Variants in COG6 observed in about 807,000 individuals in gnomAD.
COG6 encodes the protein conserved oligomeric Golgi complex subunit 6.
A neutral mutation model predicts 88.8 loss-of-function variants in COG6; 74 were observed. The ratio of observed to expected loss-of-function variants is 0.83; its 90% confidence interval spans 0.69 to 1.01. The LOEUF (loss-of-function observed/expected upper bound fraction) is 1.01, where lower values mean the gene tolerates loss of function less well. Among genes scored for constraint, COG6 ranks in the 50% least tolerant of loss-of-function variants. The pLI, the probability that COG6 is intolerant of heterozygous loss-of-function variation, is 0.00. For missense variants in COG6, 800 were observed against 797.9 expected (o/e 1.00, Z -0.03); for synonymous variants, 286 against 278.7 (o/e 1.03, Z -0.26).
intron 4 of COG6, among the ~76,000 whole-genome samples, chr13:39,672,987 A>ATGT (rs1875741123): frequency 6.6e-6 from 1 of 152,072 alleles, no homozygotes; most frequent in Non-Finnish European, 1.5e-5. Context: ...ATGACTAATG[A>ATGT]TGTCAAGCAT....
intron 5 of COG6, among the ~76,000 whole-genome samples, chr13:39,678,596 A>G (rs9532416): frequency 0.72 from 109,837 of 151,930 alleles, 39,992 homozygotes; most frequent in Admixed American, 0.81. Context: ...AAGACATTCA[A>G]TTTTTCCAGA....
At chr13:39,724,242 C>T (rs975664836) in intron 16 of COG6, among the ~76,000 whole-genome samples, 3 of 151,918 alleles carry the variant, frequency 2.0e-5, no homozygotes, top group Non-Finnish European at 4.4e-5. Context: ...TGCTTCATTG[C>T]CTTCATTTTC....
chr13:39,736,183 A>AT lies in COG6; in HGVS notation c.1826+8646dup, dbSNP rs904389800. 2.2e-3 allele frequency among the ~76,000 whole-genome samples: 318 copies of AT among 143,896 alleles called. 2 individuals carry two copies. Among genetic ancestry groups the AT allele is most frequent in the African/African-American group, 3.6e-3 (141 of 39,396 alleles). The allele number at this position is 143,896 out of a possible 152,430, so 94.4% of individuals were successfully genotyped here. A position where few individuals can be genotyped will look rare whatever the true frequency, so the allele number is the denominator to read the frequency against. On this transcript the variant is annotated intron_variant, in intron 18 of 18. Transcript: ENST00000455146. ...TTTCTAGATCTTGTATGTGTGCTTCATTTTTTTTTTTATTCCTTTTTCTTT... is the reference window on the plus strand; with the variant it reads ...TTTCTAGATCTTGTATGTGTGCTTCATTTTTTTTTTTTATTCCTTTTTCTTT...
chr13:39,726,896 G>A (rs1416900349), intron 17 of COG6, among the ~76,000 whole-genome samples: 1 of 151,846 alleles, frequency 6.6e-6, no homozygotes, highest in Admixed American at 6.6e-5. Flanking sequence ...CTAGGTCCTT[G>A]ATTTATGCTT....
intron 18 of COG6, among the ~76,000 whole-genome samples, chr13:39,746,318 T>C (rs1451753475): frequency 6.6e-6 from 1 of 151,762 alleles, no homozygotes; most frequent in Non-Finnish European, 1.5e-5. Flanking sequence ...ACAGAAACAG[T>C]CCTGAAAGTA....
At chr13:39,694,538 A>G (rs1334648107) in intron 11 of COG6, 96 bp from the exon 12 acceptor site, 1 of 748,824 alleles carries the variant, frequency 1.3e-6, no homozygotes, top group Admixed American at 2.2e-5. Flanking sequence ...CAGTAATAAA[A>G]TTTTATCTTT....
At chr13:39,769,616 A>G (rs1477381135) in intron 18 of COG6, among the ~76,000 whole-genome samples, 1 of 152,236 alleles carries the variant, frequency 6.6e-6, no homozygotes, top group Non-Finnish European at 1.5e-5. Flanking sequence ...TTTTATGTTA[A>G]AACTGAAGAG....
At chr13:39,778,014 T>C (rs762288838) in intron 18 of COG6, among the ~76,000 whole-genome samples, 1 of 152,080 alleles carries the variant, frequency 6.6e-6, no homozygotes, top group African/African-American at 2.4e-5. Context: ...CAGCAAAGAG[T>C]CAATCTTCTG....
In COG6 at chr13:39,655,703, GCA is replaced by G. The variant is rs1491187590; in HGVS notation, c.-23_-22del. On this transcript the variant is annotated 5_prime_UTR_variant, in exon 1 of 19. Transcript: ENST00000455146. ...TGGTCCCTGCCTGGCTGAGGTGGCA[GCA>G]GGGGGCGGGACGCGCAGCGCTATGG... The G allele has an allele frequency of 3.2e-6, 5 of 1,548,542 alleles. No individual in the cohort carries two copies. The Admixed American group carries it at 9.8e-5, about 30-fold the overall frequency.
At chr13:39,724,420 C>A in intron 16 of COG6, 88 bp from the exon 17 acceptor site, 1 of 1,035,096 alleles carries the variant, frequency 9.7e-7, no homozygotes, top group Non-Finnish European at 1.5e-6. Context: ...GGGCAGTGCA[C>A]TAATGAACTA....
At chr13:39,688,482 A>C (rs1338886153) in intron 10 of COG6, among the ~76,000 whole-genome samples, 1 of 152,106 alleles carries the variant, frequency 6.6e-6, no homozygotes, top group African/African-American at 2.4e-5. Flanking sequence ...TGATTGAGGG[A>C]GCAAGACAGA....
rs761124773 is a variant in COG6 at position 39,687,481 on chromosome 13, TTA to T, written c.789-17_789-16del. On this transcript the variant is annotated intron_variant, in intron 8 of 18. Coordinates refer to ENST00000455146, the MANE Select transcript of COG6 (RefSeq NM_020751.3). The stretch of plus-strand genomic sequence containing the variant: ...CACTAGAAACAACCCCAACCATTTT[TTA>T]TATAACTTGTTTCTTCTAGATATAC... 3 of 1,608,984 alleles carry T rather than the reference TTA, an allele frequency of 1.9e-6. No individual in the cohort carries two copies. In the African/African-American group the frequency reaches 4.0e-5, roughly 22 times the overall value.
In COG6 at chr13:39,742,542, A is replaced by C. The variant is rs575645493; in HGVS notation, c.1827-8404A>C. 4.9e-4 allele frequency among the ~76,000 whole-genome samples: 75 copies of C among 152,086 alleles called. 1 individual carries two copies. Among genetic ancestry groups the C allele is most frequent in the Non-Finnish European group, 5.9e-5 (4 of 68,008 alleles). On this transcript the variant is annotated intron_variant, in intron 18 of 18. Coordinates refer to ENST00000455146, the MANE Select transcript of COG6 (RefSeq NM_020751.3). ...ATAATGGTAAAGGGATCAATTCAAC[A>C]AGAAGAGCTAACTATCCTAAATATA... is the stretch of plus-strand genomic sequence containing the variant.
intron 15 of COG6, among the ~76,000 whole-genome samples, chr13:39,722,649 C>T (rs1477659207): frequency 8.0e-5 from 12 of 149,904 alleles, no homozygotes; most frequent in Admixed American, 6.6e-4. Flanking sequence ...AAGATTTTTT[C>T]TCACCAGGGA....
rs536687901 is a variant in COG6 at position 39,701,340 on chromosome 13, T to G, written c.1284+1722T>G. The stretch of plus-strand genomic sequence containing the variant: ...GTTTGAGGTGCCTATGAGAGATCCC[T>G]CTGGAATTGGTCTAATCTAAAAGGG... On this transcript the variant is annotated intron_variant, in intron 13 of 18. Transcript: ENST00000455146. 2.0e-5 allele frequency among the ~76,000 whole-genome samples: 3 copies of G among 151,956 alleles called. No homozygotes were observed. The South Asian group carries it at 6.2e-4, about 32-fold the overall frequency.
At chr13:39,701,185 A>G (rs1877559309) in intron 13 of COG6, among the ~76,000 whole-genome samples, 1 of 151,800 alleles carries the variant, frequency 6.6e-6, no homozygotes, top group Non-Finnish European at 1.5e-5. Context: ...TCAAAACTTG[A>G]TGACTGAATG....
chr13:39,721,472 C>A (rs941130620), intron 15 of COG6, among the ~76,000 whole-genome samples: 2 of 152,070 alleles, frequency 1.3e-5, no homozygotes, highest in African/African-American at 4.8e-5. Flanking sequence ...ACTCCAGTAG[C>A]AATTTTCCCA....
At chr13:39,680,089 A>G (rs755431729) in intron 7 of COG6, 44 bp downstream of exon 7, 1 of 1,174,398 alleles carries the variant, frequency 8.5e-7, no homozygotes, top group Non-Finnish European at 1.3e-6. Flanking sequence ...GAACATTTGT[A>G]GTTGTTTTTT....
chr13:39,746,212 C>T (rs1315751857), intron 18 of COG6, among the ~76,000 whole-genome samples: 7 of 151,258 alleles, frequency 4.6e-5, no homozygotes, highest in Non-Finnish European at 5.9e-5. Flanking sequence ...TGCACATGTA[C>T]CCTAGAACTT....
Sources: allele counts gnomAD v4.1 joint callset (sites outside exome capture counted in the v4.1 genomes callset), GRCh38; gene constraint gnomAD v4.1.1; transcripts MANE v1.5; gene names NCBI Gene and HGNC (gene_info 2026-07-23, HGNC 2026-07-21).